Variants in LUZP1 observed in about 807,000 individuals in gnomAD.
LUZP1 encodes the protein leucine zipper protein 1, also known as filamin mechanobinding actin cross-linking protein.
A neutral mutation model predicts 71.3 loss-of-function variants in LUZP1; 25 were observed. That is an observed-to-expected ratio of 0.35 (90% confidence interval 0.26 to 0.49). The LOEUF is 0.49. Ranked by LOEUF, LUZP1 falls within the 20% of genes least tolerant of loss-of-function variation. LUZP1 has a pLI of 0.99. For synonymous variants in LUZP1, 481 were observed against 506.4 expected, an observed-to-expected ratio of 0.95 and a Z score of 0.67; for missense variants, 1,142 against 1,300.8, an observed-to-expected ratio of 0.88 and a Z score of 1.88.
chr1:23,147,028 C>T (rs1423341854), intron 2 of LUZP1, among the ~76,000 whole-genome samples: 3 of 150,750 alleles, frequency 2.0e-5, no homozygotes, highest in Non-Finnish European at 4.4e-5. Flanking sequence ...GCCCGGGAGG[C>T]GGAGGTTGCA....
intron 2 of LUZP1, among the ~76,000 whole-genome samples, chr1:23,155,689 G>A (rs1271696991): frequency 6.6e-6 from 1 of 152,146 alleles, no homozygotes; most frequent in African/African-American, 2.4e-5. Flanking sequence ...GGTGGCGGGT[G>A]CCTGTAATCC....
intron 3 of LUZP1, among the ~76,000 whole-genome samples, chr1:23,096,056 A>G (rs1413272102): frequency 6.6e-6 from 1 of 152,028 alleles, no homozygotes. Flanking sequence ...AAAAAGAACC[A>G]AAGTTACTAA....
intron 2 of LUZP1, among the ~76,000 whole-genome samples, chr1:23,127,206 A>G (rs916685210): frequency 2.0e-5 from 3 of 152,204 alleles, no homozygotes; most frequent in Non-Finnish European, 4.4e-5. Flanking sequence ...AAATAATTCT[A>G]TAAGAGTTAT....
intron 1 of LUZP1, among the ~76,000 whole-genome samples, chr1:23,174,001 C>T (rs962453592): frequency 6.6e-6 from 1 of 151,900 alleles, no homozygotes; most frequent in Non-Finnish European, 1.5e-5. Flanking sequence ...TTTTTTGTCC[C>T]TGTCTGTATT....
chr1:23,125,960 G>A (rs1345637295), intron 2 of LUZP1, among the ~76,000 whole-genome samples: 1 of 152,160 alleles, frequency 6.6e-6, no homozygotes, highest in Non-Finnish European at 1.5e-5. Flanking sequence ...TAAAATTACA[G>A]ATTCCTCGGT....
At chr1:23,119,358 G>A (rs542756804) in intron 2 of LUZP1, among the ~76,000 whole-genome samples, 5 of 146,372 alleles carry the variant, frequency 3.4e-5, no homozygotes, top group East Asian at 2.0e-4. Flanking sequence ...TCCTGGGCTC[G>A]AGCAATCCTC....
At chr1:23,151,682 G>GT in intron 2 of LUZP1, among the ~76,000 whole-genome samples, 2 of 152,230 alleles carry the variant, frequency 1.3e-5, no homozygotes, top group South Asian at 4.1e-4. Flanking sequence ...TGTAAGTCAA[G>GT]TACCTACTAC....
Position 23,161,193 on chromosome 1 carries a change from CT to C in LUZP1, c.-226+7572del, listed in dbSNP as rs1289579451. ...CTGGAGAACAAAACAGATGAGTTCT[CT>C]GCTTTCATGGAATCTAGCAGGGAAG... On this transcript the variant is annotated intron_variant, in intron 2 of 4. Coordinates refer to ENST00000302291, the Ensembl canonical transcript of LUZP1. 2.6e-5 allele frequency among the ~76,000 whole-genome samples: 4 copies of C among 152,310 alleles called. No homozygotes were observed. The East Asian group carries it at 7.7e-4, about 29-fold the overall frequency.
chr1:23,101,244 A>G (rs576672324), intron 3 of LUZP1, among the ~76,000 whole-genome samples: 2 of 152,316 alleles, frequency 1.3e-5, no homozygotes, highest in African/African-American at 4.8e-5. Flanking sequence ...TGTCCACACA[A>G]AAACAATATG....
At chr1:23,174,386 A>T (rs1399473673) in intron 1 of LUZP1, among the ~76,000 whole-genome samples, 1 of 152,154 alleles carries the variant, frequency 6.6e-6, no homozygotes, top group Non-Finnish European at 1.5e-5. Flanking sequence ...GCCCACCCAC[A>T]TTGGTGGAGG....
At chr1:23,166,183 G>A (rs1210809076) in intron 2 of LUZP1, among the ~76,000 whole-genome samples, 2 of 152,156 alleles carry the variant, frequency 1.3e-5, no homozygotes, top group African/African-American at 4.8e-5. Context: ...CCCAGTGGCT[G>A]AGTCAAAGGC....
chr1:23,085,568 A>G (rs1643752263), exon 5 of LUZP1: 1 of 152,550 alleles, frequency 6.6e-6, no homozygotes, highest in South Asian at 2.1e-4. Flanking sequence ...CTTTATTGGG[A>G]AGTGGTAGCA....
rs1035046937 is a variant in LUZP1 at position 23,091,255 on chromosome 1, G to A, written c.3007C>T (p.Leu1003Phe). The change falls in exon 4 of 5, where the codon CTT becomes TTT. Residue 1003 changes from leucine (L) to phenylalanine (F), a missense_variant. By Grantham distance (22) the Leu-to-Phe change is conservative. Transcript: ENST00000302291. ...TCTCCTACCCGATTCCGACGGGTAA[G>A]CACCTCTGACACAGTGAGGCTACTT... The A allele has an allele frequency of 2.5e-6, 4 of 1,613,866 alleles. No individual in the cohort carries two copies. In the African/African-American group the frequency reaches 5.3e-5, roughly 22 times the overall value.
chr1:23,158,947 A>AG (rs946462323), intron 2 of LUZP1, among the ~76,000 whole-genome samples: 1 of 151,790 alleles, frequency 6.6e-6, no homozygotes, highest in Non-Finnish European at 1.5e-5. Flanking sequence ...AAAAAAAAAA[A>AG]AAAAAAGAGA....
Position 23,169,971 on chromosome 1 carries a change from TACAC to T in LUZP1, c.-484-951_-484-948del, listed in dbSNP as rs35087847. On this transcript the variant is annotated intron_variant, in intron 1 of 4. Transcript: ENST00000302291. Reference sequence around the variant, plus strand: ...GCCTGGTATGATCACTTCCTACCTTTACACACACACACACACACACACACACACA... The same window carrying T: ...GCCTGGTATGATCACTTCCTACCTTTACACACACACACACACACACACACA... 1.6e-3 allele frequency among the ~76,000 whole-genome samples: 239 copies of T among 149,088 alleles called. 2 individuals carry two copies. Among genetic ancestry groups the T allele is most frequent in the South Asian group, 0.013 (59 of 4,682 alleles).
intron 2 of LUZP1, among the ~76,000 whole-genome samples, chr1:23,143,080 C>A (rs1042543580): frequency 3.3e-5 from 5 of 152,010 alleles, no homozygotes; most frequent in African/African-American, 1.2e-4. Context: ...ATGATCTCCA[C>A]TCAGTGCAAC....
chr1:23,118,069 G>A (rs1379099728), intron 2 of LUZP1, among the ~76,000 whole-genome samples: 2 of 151,238 alleles, frequency 1.3e-5, no homozygotes, highest in Non-Finnish European at 2.9e-5. Context: ...CACCCTGGGC[G>A]ACAGAGCGAG....
At chr1:23,138,705 A>G (rs536009859) in intron 2 of LUZP1, among the ~76,000 whole-genome samples, 39,200 of 136,582 alleles carry the variant, frequency 0.29, 5,643 homozygotes, top group East Asian at 0.39. Flanking sequence ...GTGTATATAT[A>G]TATATATATA....
chr1:23,175,595 C>T (rs1001842090), intron 1 of LUZP1, among the ~76,000 whole-genome samples: 1 of 152,178 alleles, frequency 6.6e-6, no homozygotes, highest in Non-Finnish European at 1.5e-5. Context: ...TTTCTGATCC[C>T]TTTCTGTCCC....
Sources: gnomAD v4.1 joint callset for allele counts (sites outside exome capture counted in the v4.1 genomes callset) on GRCh38, gnomAD v4.1.1 for gene constraint, MANE v1.5 for transcripts, NCBI Gene and HGNC (gene_info 2026-07-23, HGNC 2026-07-21) for gene names.